The following CACNA1E variants were observed in gnomAD, a reference collection of about 807,000 sequenced individuals.
CACNA1E encodes calcium voltage-gated channel subunit alpha1 E.
A neutral mutation model predicts 259.2 loss-of-function variants in CACNA1E; 40 were observed. That is an observed-to-expected ratio of 0.15 (90% CI 0.12 to 0.20). The LOEUF (loss-of-function observed/expected upper bound fraction) is 0.20, where lower values mean the gene tolerates loss of function less well. Among genes scored for constraint, CACNA1E ranks in the 10% least tolerant of loss-of-function variants. CACNA1E has a pLI of 1.00. For missense variants in CACNA1E, 1,874 were observed against 3,040.1 expected (o/e 0.62, Z 9.02); for synonymous variants, 1,104 against 1,138.5 (o/e 0.97, Z 0.61).
intron 1 of CACNA1E, among the ~76,000 whole-genome samples, chr1:181,345,698 A>C (rs761443999): frequency 1.4e-4 from 22 of 152,304 alleles, no homozygotes; most frequent in Non-Finnish European, 2.9e-4. Context: ...GCTATCCAAC[A>C]ACCCTCATTT....
At chr1:181,578,554 G>A (rs376321174) in intron 4 of CACNA1E, among the ~76,000 whole-genome samples, 6 of 152,282 alleles carry the variant, frequency 3.9e-5, no homozygotes, top group East Asian at 3.9e-4. Flanking sequence ...GCGACAGACC[G>A]ACACTCTGTC....
Position 181,547,067 on chromosome 1 carries a change from G to A in CACNA1E, c.513-30699G>A, listed in dbSNP as rs549296375. On this transcript the variant is annotated intron_variant, in intron 3 of 47. Transcript: ENST00000367573. ...TTCTCCCCAGCTTCAGTCTGTTAAC[G>A]GCCATGAAAATCTCACTAAAGCCCT... Among the ~76,000 whole-genome samples the A allele has an allele frequency of 4.6e-5, 7 of 152,166 alleles. No individual in the cohort carries two copies. In the South Asian group the frequency reaches 6.2e-4, roughly 14 times the overall value.
intron 7 of CACNA1E, among the ~76,000 whole-genome samples, chr1:181,704,997 A>G (rs887238909): frequency 1.3e-5 from 2 of 152,096 alleles, no homozygotes; most frequent in Non-Finnish European, 2.9e-5. Flanking sequence ...GCTTTCATCA[A>G]CCTCACTTCT....
chr1:181,461,274 G>C (rs1005649401), intron 2 of CACNA1E, among the ~76,000 whole-genome samples: 1 of 152,296 alleles, frequency 6.6e-6, no homozygotes, highest in Admixed American at 6.5e-5. Flanking sequence ...GGGCGCAGTG[G>C]CTCACGCCTG....
intron 3 of CACNA1E, among the ~76,000 whole-genome samples, chr1:181,518,601 T>C (rs998720939): frequency 1.3e-5 from 2 of 152,174 alleles, no homozygotes; most frequent in Admixed American, 1.3e-4. Flanking sequence ...TCAGGGAGAC[T>C]CCTAGTGAGA....
chr1:181,608,847 C>T lies in CACNA1E; in HGVS notation c.951+28071C>T, dbSNP rs1400432779. On this transcript the variant is annotated intron_variant, in intron 6 of 47. Coordinates refer to ENST00000367573, the MANE Select transcript of CACNA1E (RefSeq NM_001205293.3). ...CCCTTATTTCTGAAGGTTTCTTCCA[C>T]ATTTCTCCTTATTGATTGTATATTA... is the stretch of plus-strand genomic sequence containing the variant. 3.3e-5 allele frequency among the ~76,000 whole-genome samples: 5 copies of T among 152,334 alleles called. No individual in the cohort carries two copies. In the East Asian group the frequency reaches 9.6e-4, roughly 29 times the overall value.
At chr1:181,635,352 T>G (rs947058965) in intron 6 of CACNA1E, among the ~76,000 whole-genome samples, 2 of 152,090 alleles carry the variant, frequency 1.3e-5, no homozygotes, top group Non-Finnish European at 2.9e-5. Flanking sequence ...TCAGAGGCAA[T>G]TGCAAGGTGA....
At chr1:181,324,892 T>C (rs1650648226) in intron 1 of CACNA1E, among the ~76,000 whole-genome samples, 2 of 152,146 alleles carry the variant, frequency 1.3e-5, no homozygotes, top group Admixed American at 6.5e-5. Context: ...GAGGTTAGCT[T>C]AGCAGGAATT....
chr1:181,531,443 T>G (rs1206437156), intron 3 of CACNA1E, among the ~76,000 whole-genome samples: 1 of 152,194 alleles, frequency 6.6e-6, no homozygotes, highest in Non-Finnish European at 1.5e-5. Context: ...TGTTCTCCTT[T>G]CCCTGTTCTC....
intron 7 of CACNA1E, among the ~76,000 whole-genome samples, chr1:181,653,043 A>C (rs927696298): frequency 6.6e-6 from 1 of 152,068 alleles, no homozygotes; most frequent in African/African-American, 2.4e-5. Flanking sequence ...TTTGGGAGAG[A>C]CCAGAGAAAC....
intron 39 of CACNA1E, 84 bp from the exon 40 acceptor site, chr1:181,783,595 T>TC: frequency 1.3e-6 from 1 of 761,372 alleles, no homozygotes; most frequent in East Asian, 2.5e-5. Flanking sequence ...GCATTTGACC[T>TC]CTACCCTTTT....
At chr1:181,777,405 G>A (rs1331992102) in intron 38 of CACNA1E, among the ~76,000 whole-genome samples, 2 of 152,218 alleles carry the variant, frequency 1.3e-5, no homozygotes, top group African/African-American at 2.4e-5. Flanking sequence ...TGGTGAGGCT[G>A]TTGAACTTGG....
chr1:181,634,735 A>G (rs984698238), intron 6 of CACNA1E, among the ~76,000 whole-genome samples: 1 of 152,018 alleles, frequency 6.6e-6, no homozygotes, highest in African/African-American at 2.4e-5. Flanking sequence ...TCTGCCCCTC[A>G]TTATCCACAG....
At chr1:181,437,137 C>T (rs1484800932) in intron 2 of CACNA1E, among the ~76,000 whole-genome samples, 1 of 152,242 alleles carries the variant, frequency 6.6e-6, no homozygotes, top group African/African-American at 2.4e-5. Flanking sequence ...GCTTCTCTGA[C>T]ATGTGGTCAC....
chr1:181,636,222 G>A (rs1657198704), intron 6 of CACNA1E, among the ~76,000 whole-genome samples: 1 of 152,128 alleles, frequency 6.6e-6, no homozygotes, highest in Admixed American at 6.5e-5. Flanking sequence ...TTGGTTAAGA[G>A]TGCTGCGGTC....
At chr1:181,647,751 A>C (rs1348448425) in intron 6 of CACNA1E, among the ~76,000 whole-genome samples, 1 of 152,208 alleles carries the variant, frequency 6.6e-6, no homozygotes, top group Admixed American at 6.5e-5. Flanking sequence ...GAAAAAGGGA[A>C]GCATGCATTC....
chr1:181,368,546 G>A (rs376056555), intron 1 of CACNA1E, among the ~76,000 whole-genome samples: 1 of 152,140 alleles, frequency 6.6e-6, no homozygotes. Flanking sequence ...CTATGGAGCT[G>A]TAGTAACAAC....
intron 1 of CACNA1E, among the ~76,000 whole-genome samples, chr1:181,386,848 T>G (rs1286377150): frequency 1.3e-5 from 2 of 152,220 alleles, no homozygotes; most frequent in East Asian, 3.8e-4. Context: ...AATCTCTTGG[T>G]TAATTGGGTA....
intron 1 of CACNA1E, among the ~76,000 whole-genome samples, chr1:181,374,219 T>C (rs1654926100): frequency 6.6e-6 from 1 of 152,188 alleles, no homozygotes; most frequent in Admixed American, 6.5e-5. Flanking sequence ...TTTCATTAGT[T>C]TCAAATAATT....
Sources: allele counts gnomAD v4.1 joint callset (sites outside exome capture counted in the v4.1 genomes callset), GRCh38; gene constraint gnomAD v4.1.1; transcripts MANE v1.5; gene names NCBI Gene and HGNC (gene_info 2026-07-23, HGNC 2026-07-21).